Variants in DOCK6 observed in about 807,000 individuals in gnomAD.
The protein encoded by DOCK6 is dedicator of cytokinesis 6.
A neutral mutation model predicts 230.3 loss-of-function variants in DOCK6; 167 were observed. That is an observed-to-expected ratio of 0.73 (90% confidence interval 0.64 to 0.82). The LOEUF (loss-of-function observed/expected upper bound fraction) is 0.82, where lower values mean the gene tolerates loss of function less well. Ranked by LOEUF, DOCK6 falls within the 40% of genes least tolerant of loss-of-function variation. The pLI is 0.00. For missense variants in DOCK6, 2,598 were observed against 2,825.8 expected, an observed-to-expected ratio of 0.92 and a Z score of 1.83; for synonymous variants, 1,148 against 1,185.0, an observed-to-expected ratio of 0.97 and a Z score of 0.64.
At position 11,253,670 on chromosome 19, in the gene DOCK6, TGG is replaced by T. The variant is rs766786731; in HGVS notation, c.99_100del (p.His34LeufsTer15). ...GGAGCTGCTGCAGCGCCTGCTGGAG[TGG>T]GGGGAGCCACTGCGTTCCCGGGACA... On this transcript the variant is annotated frameshift_variant, in exon 2 of 48. Coordinates refer to ENST00000294618, the MANE Select transcript of DOCK6 (RefSeq NM_020812.4). LOFTEE classifies it high-confidence loss of function. The T allele has an allele frequency of 6.9e-7, 1 of 1,458,476 alleles. No homozygotes were observed. Among genetic ancestry groups the T allele is most frequent in the Non-Finnish European group, 9.0e-7 (1 of 1,111,616 alleles). 90.3% of individuals were successfully genotyped at this position (1,458,476 alleles called of 1,614,324 possible). A position where few individuals can be genotyped will look rare whatever the true frequency, so the allele number is the denominator to read the frequency against.
chr19:11,253,534 A>T, intron 2 of DOCK6, 105 bp downstream of exon 2: 1 of 720,176 alleles, frequency 1.4e-6, no homozygotes, highest in Non-Finnish European at 2.1e-6. Flanking sequence ...TCCCCCCAGG[A>T]CAGGCCACAG....
In DOCK6 at chr19:11,217,244, T is replaced by G. The variant is rs1192004173; in HGVS notation, c.3698A>C (p.Gln1233Pro). The change falls in exon 29 of 48, where the codon CAG becomes CCG. Residue 1233 changes from glutamine to proline, a missense_variant. Gln to Pro is a moderately conservative substitution (Grantham distance 76). Coordinates refer to ENST00000294618, the MANE Select transcript of DOCK6 (RefSeq NM_020812.4). ...LAPGSRASISQGPPTASRAGC... is the reference protein window; with the variant it reads ...LAPGSRASISPGPPTASRAGC... The stretch of plus-strand genomic sequence containing the variant: ...CTCCCTACTCACCGTTGGTGGCCCC[T>G]GGGAGATGCTGGCCCGGGAGCCAGG... 2 of 1,612,484 alleles carry G rather than the reference T, an allele frequency of 1.2e-6. No homozygotes were observed. Among genetic ancestry groups the G allele is most frequent in the Non-Finnish European group, 8.5e-7 (1 of 1,179,472 alleles).
rs775792163 is a variant in DOCK6, at chr19:11,227,405, G to C, written c.2887C>G (p.Arg963Gly). The C allele has an allele frequency of 1.2e-6, 2 of 1,613,592 alleles. No homozygotes were observed. Among genetic ancestry groups the C allele is most frequent in the Non-Finnish European group, 8.5e-7 (1 of 1,179,852 alleles). Reference protein sequence around the residue: ...DTPRKLRFPGRFLDDITALVG... With the variant: ...DTPRKLRFPGGFLDDITALVG... ...AAGGCAGTGATGTCGTCCAGGAAGC[G>C]TCCGGGGAAGCGCAGCTTGCGGGGT... The change falls in exon 24 of 48, where the codon CGC (arginine) becomes GGC (glycine). Residue 963 changes from arginine (R) to glycine (G), a missense_variant. Transcript: ENST00000294618.
chr19:11,251,198 G>T, intron 5 of DOCK6, 112 bp from the exon 6 acceptor site: 1 of 1,123,950 alleles, frequency 8.9e-7, no homozygotes, highest in Non-Finnish European at 1.3e-6. Context: ...AGGGTCAGGG[G>T]GTGAGGGTCA....
In DOCK6 at chr19:11,252,120, GAGTCCTC is replaced by G; in HGVS notation, c.499_505del (p.Glu167ArgfsTer26). On this transcript the variant is annotated frameshift_variant and splice_region_variant, in exon 5 of 48. Transcript: ENST00000294618. LOFTEE classifies it high-confidence loss of function. ...GACCCCAGCCAGGGGCTTCCTCACC[GAGTCCTC>G]AGGGCCGGACCTCTCGTCTCCAGAA... 6 of 1,588,532 alleles carry G rather than the reference GAGTCCTC, an allele frequency of 3.8e-6. No individual in the cohort carries two copies. Among genetic ancestry groups the G allele is most frequent in the Non-Finnish European group, 5.1e-6 (6 of 1,168,234 alleles).
chr19:11,229,383 T>C, intron 22 of DOCK6: 1 of 1,092,596 alleles, frequency 9.2e-7, no homozygotes, highest in Non-Finnish European at 1.1e-6. Flanking sequence ...AGAGTTGCAG[T>C]CGATGGCCTA....
chr19:11,211,712 C>A (rs981428010), intron 37 of DOCK6, 64 bp downstream of exon 37: 1 of 1,299,804 alleles, frequency 7.7e-7, no homozygotes. Flanking sequence ...CTACTCTCAT[C>A]CCTGTTCTCC....
At chr19:11,225,693 A>G (rs2079652340) in intron 24 of DOCK6, among the ~76,000 whole-genome samples, 1 of 151,628 alleles carries the variant, frequency 6.6e-6, no homozygotes, top group Non-Finnish European at 1.5e-5. Context: ...CCGTGTCTCA[A>G]ACAAAAACAA....
In DOCK6 at chr19:11,243,140, G is replaced by T. The variant is rs377436982; in HGVS notation, c.1399C>A (p.Leu467Ile). Residue 467 changes from leucine (L) to isoleucine (I), a missense_variant, in exon 13 of 48, where the codon CTC becomes ATC. Physicochemically the swap from Leu to Ile is conservative, Grantham distance 5. Coordinates refer to ENST00000294618, the MANE Select transcript of DOCK6 (RefSeq NM_020812.4). This position sits in a 1 kb window ranked among gnomAD's most constrained non-coding sequence, Gnocchi z 6.3. ...TNFFKQEAERLSDEDLFKFLA... is the reference protein window; with the variant it reads ...TNFFKQEAERISDEDLFKFLA... ...AACTTGAAGAGGTCCTCGTCACTGAGTCGCTCAGCCTCCTACATGGGACCC... is the reference window on the plus strand; with the variant it reads ...AACTTGAAGAGGTCCTCGTCACTGATTCGCTCAGCCTCCTACATGGGACCC... 3 of 1,613,810 alleles carry T rather than the reference G, an allele frequency of 1.9e-6. No individual in the cohort carries two copies. The highest frequency in any genetic ancestry group is 3.3e-5 in the Admixed American group (2 of 59,998).
Position 11,222,315 on chromosome 19 carries a change from A to G in DOCK6, c.3241-67T>C. The stretch of plus-strand genomic sequence containing the variant: ...GTCAGAGGTGGCAGGTCACCATTAA[A>G]GCCATCTTGGAGGTGACAGAAATCA... On this transcript the variant is annotated intron_variant, in intron 26 of 47. Transcript: ENST00000294618. The surrounding 1 kb of genome is among the most constrained non-coding windows in gnomAD (Gnocchi z 4.0). 6.5e-7 allele frequency: 1 copy of G among 1,535,396 alleles called. No individual in the cohort carries two copies. Among genetic ancestry groups the G allele is most frequent in the Admixed American group, 2.0e-5 (1 of 50,476 alleles).
In DOCK6 at chr19:11,248,158, A is replaced by C; in HGVS notation, c.721-7T>G. 7.0e-7 allele frequency: 1 copy of C among 1,434,992 alleles called. No homozygotes were observed. The highest frequency in any genetic ancestry group is 9.6e-7 in the Non-Finnish European group (1 of 1,041,752). The allele number at this position is 1,434,992 out of a possible 1,614,324, so 88.9% of individuals were successfully genotyped here. ...AGCGTTCCACGGCTTCATCCTGCCA[A>C]GAGTGGGGGGTGGGAGCTGGGCGGG... On this transcript the variant is annotated splice_polypyrimidine_tract_variant and splice_region_variant and intron_variant, in intron 6 of 47. Transcript: ENST00000294618.
rs200959822 is a variant in DOCK6 at position 11,201,937 on chromosome 19, G to C, written c.5640C>G (p.His1880Gln). The C allele has an allele frequency of 1.9e-6, 3 of 1,607,684 alleles. No homozygotes were observed. Among genetic ancestry groups the C allele is most frequent in the Non-Finnish European group, 2.5e-6 (3 of 1,177,014 alleles). The change falls in exon 44 of 48, where the codon CAC becomes CAG. Residue 1880 changes from histidine to glutamine, a missense_variant. Physicochemically the swap from His to Gln is conservative, Grantham distance 24. Transcript: ENST00000294618. The surrounding 1 kb of genome is among the most constrained non-coding windows in gnomAD (Gnocchi z 4.3). Reference sequence around the variant, plus strand: ...TGCGAGTCTTGATGTAGGGGAAGGCGTGGTCGGTGCTGAGCAGCGTCTTAC... The same window carrying C: ...TGCGAGTCTTGATGTAGGGGAAGGCCTGGTCGGTGCTGAGCAGCGTCTTAC... ...HKRKTLLSTD[H>Q]AFPYIKTRIR...
Position 11,235,723 on chromosome 19 carries a change from T to C in DOCK6, c.2429A>G (p.His810Arg), listed in dbSNP as rs749339334. The change falls in exon 21 of 48, where the codon CAT (histidine) becomes CGT (arginine). Residue 810 changes from histidine to arginine, a missense_variant. By Grantham distance (29) the His-to-Arg change is conservative. Transcript: ENST00000294618. ...GCTCCGGTGAACAAGGCTGACTACA[T>C]GGGCCATTGCTTCAAAGGCTCCACG... is the stretch of plus-strand genomic sequence containing the variant. ...LGRGAFEAMA[H>R]VVSLVHRSLE... 7 of 1,599,208 alleles carry C rather than the reference T, an allele frequency of 4.4e-6. No individual in the cohort carries two copies. Among genetic ancestry groups the C allele is most frequent in the Non-Finnish European group, 5.1e-6 (6 of 1,172,526 alleles).
rs200790813 is a variant in DOCK6, at chr19:11,201,859, A to G, written c.5688+30T>C. 0.023 allele frequency: 15,602 copies of G among 671,666 alleles called. 134 individuals are homozygous for G. Among genetic ancestry groups the G allele is most frequent in the Non-Finnish European group, 0.026 (12,873 of 496,634 alleles). 41.6% of individuals were successfully genotyped at this position (671,666 alleles called of 1,614,324 possible). On this transcript the variant is annotated intron_variant, in intron 44 of 47. Coordinates refer to ENST00000294618, the MANE Select transcript of DOCK6 (RefSeq NM_020812.4). The surrounding 1 kb of genome is among the most constrained non-coding windows in gnomAD (Gnocchi z 4.3). The stretch of plus-strand genomic sequence containing the variant: ...GGGTCTGATGTCCCCTCACCTCCCC[A>G]CCCCCGCCAGGCCCAGGATCCCCAC...
chr19:11,222,194 G>C lies in DOCK6; in HGVS notation c.3295C>G (p.Leu1099Val), dbSNP rs2079591426. The C allele has an allele frequency of 5.6e-6, 9 of 1,607,346 alleles. No homozygotes were observed. The highest frequency in any genetic ancestry group is 5.9e-6 in the Non-Finnish European group (7 of 1,177,248). ...PDPKVTSMFE[L>V]SGPFRQQHFL... ...TGCTGCTGCCGGAATGGTCCACTCA[G>C]TTCGAACATGCTGGTCACCTTGGGG... The change falls in exon 27 of 48, where the codon CTG (leucine) becomes GTG (valine). Residue 1099 changes from leucine to valine, a missense_variant. Coordinates refer to ENST00000294618, the MANE Select transcript of DOCK6 (RefSeq NM_020812.4). The surrounding 1 kb of genome is among the most constrained non-coding windows in gnomAD (Gnocchi z 4.0).
chr19:11,200,542 C>T lies in DOCK6; in HGVS notation c.5940-73G>A. On this transcript the variant is annotated intron_variant, in intron 46 of 47. Coordinates refer to ENST00000294618, the MANE Select transcript of DOCK6 (RefSeq NM_020812.4). The surrounding 1 kb of genome is among the most constrained non-coding windows in gnomAD (Gnocchi z 4.3). ...GAAAGCAAGACTAGGGGTGGGGGCA[C>T]CCATAAGGCGGGACCAGGCCTGCAG... 6.4e-7 allele frequency: 1 copy of T among 1,562,408 alleles called. No homozygotes were observed. The highest frequency in any genetic ancestry group is 8.7e-7 in the Non-Finnish European group (1 of 1,154,806).
Position 11,202,004 on chromosome 19 carries a change from G to A in DOCK6, c.5573C>T (p.Pro1858Leu), listed in dbSNP as rs2079176967. 7 of 1,613,926 alleles carry A rather than the reference G, an allele frequency of 4.3e-6. No individual in the cohort carries two copies. Among genetic ancestry groups the A allele is most frequent in the Middle Eastern group, 3.3e-4 (2 of 6,084 alleles). The change falls in exon 44 of 48, where the codon CCG becomes CTG. Residue 1858 changes from proline (P) to leucine (L), a missense_variant. Coordinates refer to ENST00000294618, the MANE Select transcript of DOCK6 (RefSeq NM_020812.4). The surrounding 1 kb of genome is among the most constrained non-coding windows in gnomAD (Gnocchi z 5.3). ...CAGCTCCCCGTGTGCGCGCCCATCC[G>A]GCGTGAACGGCGTGCAGAACAGGAA... ...RTFLFCTPFT[P>L]DGRAHGELPE... is the part of the protein sequence containing the mutation.
At chr19:11,257,912 A>G (rs1335459524) in intron 1 of DOCK6, among the ~76,000 whole-genome samples, 1 of 152,150 alleles carries the variant, frequency 6.6e-6, no homozygotes, top group African/African-American at 2.4e-5. Context: ...CTTGGGCAAC[A>G]TAGCGAGACC....
chr19:11,245,149 G>A (rs2080012594), intron 9 of DOCK6, among the ~76,000 whole-genome samples: 1 of 152,182 alleles, frequency 6.6e-6, no homozygotes, highest in African/African-American at 2.4e-5. Context: ...GTGGATACTG[G>A]ATTCATTTCA....
Sources: allele counts gnomAD v4.1 joint callset (sites outside exome capture counted in the v4.1 genomes callset), GRCh38; gene constraint gnomAD v4.1.1; non-coding constraint Gnocchi (gnomAD v3.1); transcripts MANE v1.5; gene names NCBI Gene and HGNC (gene_info 2026-07-23, HGNC 2026-07-21).